IL16: variants seen among roughly 807,000 people sequenced by gnomAD.
IL16 encodes interleukin 16.
A neutral mutation model predicts 110.1 loss-of-function variants in IL16; 67 were observed. The ratio of observed to expected loss-of-function variants is 0.61; its 90% CI spans 0.50 to 0.75. IL16 has a LOEUF of 0.75. Among genes scored for constraint, IL16 ranks in the 30% least tolerant of loss-of-function variants. The pLI is 0.00. For synonymous variants in IL16, 689 were observed against 662.9 expected (o/e 1.04, Z -0.61); for missense variants, 1,545 against 1,655.0 (o/e 0.93, Z 1.15).
Position 81,308,847 on chromosome 15 carries a change from T to TC in IL16, c.*52dup. The TC allele has an allele frequency of 6.8e-7, 1 of 1,480,912 alleles. No individual in the cohort carries two copies. 91.7% of individuals were successfully genotyped at this position (1,480,912 alleles called of 1,614,324 possible). A position where few individuals can be genotyped will look rare whatever the true frequency, so the allele number is the denominator to read the frequency against. ...CAATAACACACAGCTAACACACAGC[T>TC]CCCATAACCGCTGATTCTCAGGGTC... On this transcript the variant is annotated 3_prime_UTR_variant, in exon 19 of 19. Transcript: ENST00000683961.
At chr15:81,222,243 G>A (rs1896640341) in intron 1 of IL16, among the ~76,000 whole-genome samples, 1 of 151,942 alleles carries the variant, frequency 6.6e-6, no homozygotes, top group Non-Finnish European at 1.5e-5. Context: ...GCCTTGACTG[G>A]GTATGATGGC....
In IL16 at chr15:81,298,787, A is replaced by T. The variant is rs150634188; in HGVS notation, c.2054-593A>T. Among the ~76,000 whole-genome samples the T allele has an allele frequency of 6.0e-3, 919 of 152,336 alleles. 3 individuals are homozygous for T. Among genetic ancestry groups the T allele is most frequent in the African/African-American group, 0.017 (703 of 41,570 alleles). Reference sequence around the variant, plus strand: ...CACACGGCTTCAGGGCCAGGCAGGTACATACATGGGAAATGCTGGCTGGGT... The same window carrying T: ...CACACGGCTTCAGGGCCAGGCAGGTTCATACATGGGAAATGCTGGCTGGGT... On this transcript the variant is annotated intron_variant, in intron 13 of 18. Coordinates refer to ENST00000683961, the MANE Select transcript of IL16 (RefSeq NM_172217.5).
Position 81,251,566 on chromosome 15 carries a change from T to C in IL16, c.313-8206T>C, listed in dbSNP as rs141161375. On this transcript the variant is annotated intron_variant, in intron 2 of 18. Coordinates refer to ENST00000683961, the MANE Select transcript of IL16 (RefSeq NM_172217.5). ...CAATGTGATGATGAACATCTTTGTATAGACATCTTTGTGCACCTTGTCCAG... is the reference window on the plus strand; with the variant it reads ...CAATGTGATGATGAACATCTTTGTACAGACATCTTTGTGCACCTTGTCCAG... Among the ~76,000 whole-genome samples the C allele has an allele frequency of 9.8e-3, 1,492 of 152,342 alleles. 14 individuals are homozygous for C. The highest frequency in any genetic ancestry group is 0.017 in the Non-Finnish European group (1,152 of 68,026).
intron 4 of IL16, among the ~76,000 whole-genome samples, chr15:81,266,800 T>A (rs1235151609): frequency 1.3e-5 from 2 of 152,238 alleles, no homozygotes; most frequent in Non-Finnish European, 2.9e-5. Flanking sequence ...CCAGCCTGTC[T>A]TGTGAGTGTC....
At chr15:81,206,631 G>A (rs1441704745) in intron 1 of IL16, among the ~76,000 whole-genome samples, 1 of 152,050 alleles carries the variant, frequency 6.6e-6, no homozygotes, top group Non-Finnish European at 1.5e-5. Flanking sequence ...GTGGCACGAT[G>A]CAATTAAACT....
At chr15:81,236,446 C>G (rs1366871229) in intron 2 of IL16, among the ~76,000 whole-genome samples, 1 of 152,148 alleles carries the variant, frequency 6.6e-6, no homozygotes, top group Non-Finnish European at 1.5e-5. Context: ...CAAGGGTGGT[C>G]CATGTGCAGG....
At chr15:81,184,502 A>G (rs1895389927) in intron 1 of IL16, among the ~76,000 whole-genome samples, 1 of 152,116 alleles carries the variant, frequency 6.6e-6, no homozygotes, top group African/African-American at 2.4e-5. Context: ...CTGCCCCTGG[A>G]ATCCAGGCAT....
At chr15:81,263,552 G>A (rs72746151) in intron 3 of IL16, among the ~76,000 whole-genome samples, 4,594 of 152,212 alleles carry the variant, frequency 0.03, 110 homozygotes, top group Non-Finnish European at 0.048. Context: ...CCAGACCAGG[G>A]AGAGTTTTGG....
chr15:81,245,729 T>C (rs1317928523), intron 2 of IL16, among the ~76,000 whole-genome samples: 1 of 137,024 alleles, frequency 7.3e-6, no homozygotes, highest in Admixed American at 7.1e-5. Flanking sequence ...TTTGGCTTTT[T>C]TTTTTTTTTT....
At chr15:81,279,530 G>A in intron 7 of IL16, 28 bp from the exon 8 acceptor site, 1 of 1,548,418 alleles carries the variant, frequency 6.5e-7, no homozygotes, top group Admixed American at 1.7e-5. Context: ...TTGCTGCTGG[G>A]TGTTGTAGCC....
At chr15:81,285,875 C>T (rs1899428193) in intron 10 of IL16, 45 bp downstream of exon 10, 2 of 1,601,626 alleles carry the variant, frequency 1.2e-6, no homozygotes, top group Admixed American at 1.7e-5. Flanking sequence ...CTCACTCGTT[C>T]AGTACCAAAA....
At chr15:81,220,864 G>T (rs1357668312) in intron 1 of IL16, among the ~76,000 whole-genome samples, 1 of 151,920 alleles carries the variant, frequency 6.6e-6, no homozygotes, top group Non-Finnish European at 1.5e-5. Context: ...AACAGATCCT[G>T]CTTCACAGTA....
intron 16 of IL16, among the ~76,000 whole-genome samples, chr15:81,304,708 G>A (rs1052140858): frequency 6.6e-6 from 1 of 152,086 alleles, no homozygotes; most frequent in East Asian, 1.9e-4. Context: ...TTTAATCTTC[G>A]TTGGCCTAAA....
At chr15:81,289,877 G>C (rs1424390470) in intron 10 of IL16, 4 of 442,098 alleles carry the variant, frequency 9.0e-6, no homozygotes, top group Non-Finnish European at 1.8e-5. Context: ...TTTTGAAGTG[G>C]GTTTTATTAT....
rs1225435410 is a variant in IL16 at position 81,297,093 on chromosome 15, AG to A, written c.2053+16del. 6.3e-7 allele frequency: 1 copy of A among 1,599,890 alleles called. No individual in the cohort carries two copies. The highest frequency in any genetic ancestry group is 2.2e-5 in the East Asian group (1 of 44,716). On this transcript the variant is annotated intron_variant, in intron 13 of 18. Coordinates refer to ENST00000683961, the MANE Select transcript of IL16 (RefSeq NM_172217.5). ...AGCCAGCCCAGGTAAGCTTTCATTG[AG>A]ATCTTCCAAAAGGAAGGGTCTTTTG...
intron 2 of IL16, among the ~76,000 whole-genome samples, chr15:81,236,875 T>C (rs1396675923): frequency 1.3e-5 from 2 of 152,088 alleles, no homozygotes; most frequent in African/African-American, 2.4e-5. Context: ...GGAGAATTGC[T>C]TGAACCCGGG....
intron 1 of IL16, among the ~76,000 whole-genome samples, chr15:81,200,149 A>G (rs1157938066): frequency 1.3e-5 from 2 of 152,124 alleles, no homozygotes; most frequent in African/African-American, 4.8e-5. Context: ...ATCATATTTT[A>G]TATTATCTTT....
intron 1 of IL16, among the ~76,000 whole-genome samples, chr15:81,206,589 G>A (rs544501082): frequency 6.6e-6 from 1 of 152,174 alleles, no homozygotes; most frequent in Admixed American, 6.5e-5. Context: ...AAACCTCAAT[G>A]AATTCCAACA....
chr15:81,257,763 G>A (rs1371277802), intron 2 of IL16, among the ~76,000 whole-genome samples: 1 of 152,186 alleles, frequency 6.6e-6, no homozygotes, highest in African/African-American at 2.4e-5. Flanking sequence ...TGGCTTCTAA[G>A]AAATGCAGTT....
Sources: gnomAD v4.1 joint callset for allele counts (sites outside exome capture counted in the v4.1 genomes callset) on GRCh38, gnomAD v4.1.1 for gene constraint, MANE v1.5 for transcripts, NCBI Gene and HGNC (gene_info 2026-07-23, HGNC 2026-07-21) for gene names.